The following TBC1D8B variants were observed in gnomAD, a reference collection of about 807,000 sequenced individuals.
The protein encoded by TBC1D8B is TBC1 domain family member 8B, also known as RP11-321G1.1.
TBC1D8B carries 75 observed loss-of-function variants against 82.9 expected under a neutral mutation model. That is an observed-to-expected ratio of 0.90 (90% CI 0.75 to 1.10). TBC1D8B has a LOEUF of 1.10. Among genes scored for constraint, TBC1D8B ranks in the 50% least tolerant of loss-of-function variants. TBC1D8B has a pLI of 0.00. For synonymous variants in TBC1D8B, 276 were observed against 276.8 expected (o/e 1.00, Z 0.03); for missense variants, 794 against 796.9 (o/e 1.00, Z 0.04).
At chrX:106,831,774 GT>G (rs1569452119) in intron 7 of TBC1D8B, among the ~76,000 whole-genome samples, 1 of 110,922 alleles carries the variant, frequency 9.0e-6, no homozygotes, top group East Asian at 2.8e-4. Flanking sequence ...TTTCTCACTC[GT>G]TTTTAGAGGT....
At chrX:106,818,398 G>C (rs751150129) in intron 1 of TBC1D8B, 60 of 243,381 alleles carry the variant, frequency 2.5e-4, no homozygotes, top group South Asian at 4.0e-4. Flanking sequence ...AGATACATAA[G>C]TGCTGCAGAT....
chrX:106,824,360 C>T lies in TBC1D8B; in HGVS notation c.827+894C>T, dbSNP rs192642608. ...AAGGTTGTATGATCACTACATAGCC[C>T]TCATTGGGTACAGTTGTTCCTCTTA... On this transcript the variant is annotated intron_variant, in intron 5 of 20. Transcript: ENST00000357242. 4.3e-3 allele frequency among the ~76,000 whole-genome samples: 474 copies of T among 110,943 alleles called. 2 individuals carry two copies. Among genetic ancestry groups the T allele is most frequent in the African/African-American group, 0.015 (466 of 30,640 alleles).
At chrX:106,872,455 T>TTATATATA (rs61326496) in intron 20 of TBC1D8B, among the ~76,000 whole-genome samples, 6 of 73,294 alleles carry the variant, frequency 8.2e-5, no homozygotes, top group African/African-American at 3.6e-4. Flanking sequence ...AGAAAAATAT[T>TTATATATA]TATATATATA....
chrX:106,805,072 CTTTTTTTTTTT>C (rs11432144), intron 1 of TBC1D8B, among the ~76,000 whole-genome samples: 2 of 54,595 alleles, frequency 3.7e-5, no homozygotes, highest in South Asian at 3.7e-3. Context: ...TGCAAGTTTC[CTTTTTTTTTTT>C]TTTTTTTTTT....
At chrX:106,862,776 GTTTTTTTTTTTTTT>G (rs1181091591) in intron 14 of TBC1D8B, among the ~76,000 whole-genome samples, 1 of 37,298 alleles carries the variant, frequency 2.7e-5, no homozygotes. Context: ...GTTTTTTTTT[GTTTTTTTTTTTTTT>G]TTTTTTTTTT....
At position 106,802,993 on chromosome X, in the gene TBC1D8B, G is replaced by C. The variant is rs757089011; in HGVS notation, c.130+10G>C. ...GGAGGGGGGCTCACAGGTAAGCTGT[G>C]GCCACCCTACCTGCCTCTGGGCTGT... On this transcript the variant is annotated intron_variant, in intron 1 of 20. Coordinates refer to ENST00000357242, the MANE Select transcript of TBC1D8B (RefSeq NM_017752.3). 8.4e-7 allele frequency: 1 copy of C among 1,193,622 alleles called. No individual in the cohort carries two copies. The highest frequency in any genetic ancestry group is 3.0e-5 in the East Asian group (1 of 33,529).
chrX:106,853,759 A>G, intron 13 of TBC1D8B, 109 bp downstream of exon 13: 2 of 818,638 alleles, frequency 2.4e-6, no homozygotes, highest in South Asian at 5.5e-5. Context: ...AAGTAGACAT[A>G]CAACTTAAAA....
chrX:106,839,390 CTG>C lies in TBC1D8B; in HGVS notation c.1289_1290del (p.Val430GlufsTer3), dbSNP rs778011141. The C allele has an allele frequency of 4.2e-5, 50 of 1,191,436 alleles. No homozygotes were observed. In the East Asian group the frequency reaches 9.6e-4, roughly 23 times the overall value. On this transcript the variant is annotated frameshift_variant, in exon 8 of 21. Coordinates refer to ENST00000357242, the MANE Select transcript of TBC1D8B (RefSeq NM_017752.3). LOFTEE classifies it high-confidence loss of function. Reference sequence around the variant, plus strand: ...ACAAGTCAGAGGGAATGCAGTAAAACTGTGAACACTGAAGCCTTAATGACAGT... The same window carrying C: ...ACAAGTCAGAGGGAATGCAGTAAAACTGAACACTGAAGCCTTAATGACAGT...
chrX:106,872,011 T>C (rs1461283132), intron 20 of TBC1D8B, among the ~76,000 whole-genome samples: 2 of 110,766 alleles, frequency 1.8e-5, no homozygotes, highest in Non-Finnish European at 3.8e-5. Flanking sequence ...CATTCAGCTA[T>C]CAGAAGCTCC....
intron 1 of TBC1D8B, among the ~76,000 whole-genome samples, chrX:106,811,444 G>A (rs1488023814): frequency 2.7e-5 from 3 of 111,476 alleles, no homozygotes; most frequent in Non-Finnish European, 5.6e-5. Flanking sequence ...GTGGGAGATC[G>A]TTTGAGCCAG....
chrX:106,811,144 A>G (rs1018768415), intron 1 of TBC1D8B, among the ~76,000 whole-genome samples: 1 of 111,897 alleles, frequency 8.9e-6, no homozygotes, highest in African/African-American at 3.3e-5. Context: ...CAGAGAATAA[A>G]ATGTTCCAGG....
intron 7 of TBC1D8B, among the ~76,000 whole-genome samples, chrX:106,831,117 A>G (rs1932036072): frequency 9.0e-6 from 1 of 110,990 alleles, no homozygotes; most frequent in Non-Finnish European, 1.9e-5. Context: ...AACTTATCAA[A>G]TTATAGCTAT....
At chrX:106,823,123 A>G in intron 4 of TBC1D8B, 103 bp from the exon 5 acceptor site, 2 of 893,659 alleles carry the variant, frequency 2.2e-6, no homozygotes, top group South Asian at 2.8e-5. Context: ...TTAGCTGTTT[A>G]TAGTATTTTT....
At chrX:106,831,754 A>G (rs1047970256) in intron 7 of TBC1D8B, among the ~76,000 whole-genome samples, 9 of 111,708 alleles carry the variant, frequency 8.1e-5, no homozygotes, top group African/African-American at 2.9e-4. Context: ...AGAATTCTAC[A>G]GTTTTCTAGT....
intron 1 of TBC1D8B, among the ~76,000 whole-genome samples, chrX:106,816,815 C>G (rs1931553029): frequency 9.0e-6 from 1 of 110,983 alleles, no homozygotes. Flanking sequence ...CCTATCCTTT[C>G]CTTTCAGCTA....
At position 106,836,583 on chromosome X, in the gene TBC1D8B, CT is replaced by C. The variant is rs745688350; in HGVS notation, c.1204-2713del. Among the ~76,000 whole-genome samples the C allele has an allele frequency of 2.2e-3, 220 of 101,494 alleles. 1 individual carries two copies. Among genetic ancestry groups the C allele is most frequent in the South Asian group, 0.019 (45 of 2,313 alleles). 88.1% of individuals were successfully genotyped at this position (101,494 alleles called of 115,157 possible). On this transcript the variant is annotated intron_variant, in intron 7 of 20. Transcript: ENST00000357242. ...GATGAACTTAAGTGAGTCTTTTCTT[CT>C]TTTTTTTTTTTAGCACTCCTAGTAA...
rs867912755 is a variant in TBC1D8B at position 106,814,554 on chromosome X, T to C, written c.131-4109T>C. On this transcript the variant is annotated intron_variant, in intron 1 of 20. Transcript: ENST00000357242. The stretch of plus-strand genomic sequence containing the variant: ...AGCATGATTTATAGTCCTTTGGGTA[T>C]ATACCCAGTAATGGGATGGCTGGGT... The C allele has an allele frequency of 1.5e-3, 158 of 107,261 alleles. 1 individual carries two copies. The highest frequency in any genetic ancestry group is 5.1e-3 in the African/African-American group (149 of 29,362). The allele number at this position is 107,261 out of a possible 1,213,427, so 8.8% of individuals were successfully genotyped here.
At position 106,850,301 on chromosome X, in the gene TBC1D8B, C is replaced by T. The variant is rs760848398; in HGVS notation, c.2114C>T (p.Ala705Val). ...TCKDDAEAVT[A>V]LNRFFDNVTN... The stretch of plus-strand genomic sequence containing the variant: ...AAAGATGATGCTGAAGCTGTGACAG[C>T]CTTAAACAGGTATTGTAAGAACCAT... Residue 705 changes from alanine (A) to valine (V), a missense_variant, in exon 12 of 21, where the codon GCC (alanine) becomes GTC (valine). By Grantham distance (64) the Ala-to-Val change is moderately conservative (BLOSUM62 0). Transcript: ENST00000357242. The T allele has an allele frequency of 4.2e-6, 5 of 1,192,762 alleles. No homozygotes were observed. The highest frequency in any genetic ancestry group is 5.6e-6 in the Non-Finnish European group (5 of 887,684).
chrX:106,814,764 A>T (rs1237095408), intron 1 of TBC1D8B: 2 of 111,707 alleles, frequency 1.8e-5, no homozygotes, highest in Non-Finnish European at 3.8e-5. Flanking sequence ...GGCATCTCAT[A>T]GTGGTTTTGA....
Sources: gnomAD v4.1 joint callset for allele counts (sites outside exome capture counted in the v4.1 genomes callset) on GRCh38, gnomAD v4.1.1 for gene constraint, MANE v1.5 for transcripts, NCBI Gene and HGNC (gene_info 2026-07-23, HGNC 2026-07-21) for gene names.